BMP6: variants seen among roughly 807,000 people sequenced by gnomAD.
The protein encoded by BMP6 is bone morphogenetic protein 6.
BMP6 carries 17 observed loss-of-function variants against 54.1 expected under a neutral mutation model. That is an observed-to-expected ratio of 0.31 (90% CI 0.22 to 0.47). The LOEUF (loss-of-function observed/expected upper bound fraction) is 0.47. Ranked by LOEUF, BMP6 falls within the 20% of genes least tolerant of loss-of-function variation. The pLI is 1.00. For missense variants in BMP6, 720 were observed against 690.4 expected (o/e 1.04, Z -0.48); for synonymous variants, 328 against 291.2 (o/e 1.13, Z -1.28).
rs555536190 is a variant in BMP6 at position 7,880,274 on chromosome 6, T to G, written c.1473T>G (p.Phe491Leu). The change falls in exon 7 of 7, where the codon TTT (phenylalanine) becomes TTG (leucine). Residue 491 changes from phenylalanine (F) to leucine (L), a missense_variant. By Grantham distance (22) the Phe-to-Leu change is conservative. This residue lies in a region of BMP6 where 43 missense variants were observed against 54.0 expected (regional missense o/e 0.80). Coordinates refer to ENST00000283147, the MANE Select transcript of BMP6 (RefSeq NM_001718.6). ...TAAATGCCATCTCGGTTCTTTACTTTGATGACAACTCCAATGTCATTCTGA... is the reference window on the plus strand; with the variant it reads ...TAAATGCCATCTCGGTTCTTTACTTGGATGACAACTCCAATGTCATTCTGA... The part of the protein sequence containing the change: ...TKLNAISVLY[F>L]DDNSNVILKK... 5 of 1,614,160 alleles carry G rather than the reference T, an allele frequency of 3.1e-6. No individual in the cohort carries two copies. In the South Asian group the frequency reaches 3.3e-5, roughly 11 times the overall value.
At chr6:7,763,747 G>C (rs956428754) in intron 1 of BMP6, among the ~76,000 whole-genome samples, 2 of 152,118 alleles carry the variant, frequency 1.3e-5, no homozygotes, top group African/African-American at 4.8e-5. Flanking sequence ...GTGAATGCAG[G>C]TGCAGTCCTT....
chr6:7,768,081 G>T (rs758538383), intron 1 of BMP6, among the ~76,000 whole-genome samples: 4 of 152,096 alleles, frequency 2.6e-5, no homozygotes, highest in Admixed American at 6.5e-5. Context: ...AGGCAAGAGC[G>T]GGCAGGAAGT....
Position 7,764,907 on chromosome 6 carries a change from C to T in BMP6, c.664+37288C>T, listed in dbSNP as rs1311345108. Among the ~76,000 whole-genome samples, 3 of 152,190 alleles carry T rather than the reference C, an allele frequency of 2.0e-5. No individual in the cohort carries two copies. The South Asian group carries it at 6.2e-4, about 32-fold the overall frequency. ...ACTTTATGCCTGGAGATCTTCTTAG[C>T]TTGGCAGTTGATGGCTTGAGGCTTC... On this transcript the variant is annotated intron_variant, in intron 1 of 6. Coordinates refer to ENST00000283147, the MANE Select transcript of BMP6 (RefSeq NM_001718.6).
intron 4 of BMP6, among the ~76,000 whole-genome samples, chr6:7,875,920 G>A (rs1038063649): frequency 5.9e-5 from 9 of 152,142 alleles, no homozygotes; most frequent in East Asian, 5.8e-4. Context: ...ACTGGCTGCC[G>A]TACTACCCAT....
At chr6:7,863,129 G>A (rs561991114) in intron 4 of BMP6, among the ~76,000 whole-genome samples, 2 of 152,236 alleles carry the variant, frequency 1.3e-5, no homozygotes, top group South Asian at 4.1e-4. Flanking sequence ...CTCCCGAGTA[G>A]CTGGGACTAC....
intron 1 of BMP6, among the ~76,000 whole-genome samples, chr6:7,772,558 A>G (rs577877192): frequency 1.3e-5 from 2 of 152,168 alleles, no homozygotes; most frequent in East Asian, 3.8e-4. Flanking sequence ...ACAACTGCCA[A>G]TGGGACCGAG....
intron 1 of BMP6, among the ~76,000 whole-genome samples, chr6:7,784,995 A>G (rs907893465): frequency 1.3e-5 from 2 of 152,218 alleles, no homozygotes; most frequent in African/African-American, 4.8e-5. Context: ...GGGGTAACCA[A>G]TGCTTGCAAA....
intron 1 of BMP6, among the ~76,000 whole-genome samples, chr6:7,753,861 A>G (rs1757462409): frequency 6.6e-6 from 1 of 152,166 alleles, no homozygotes; most frequent in Non-Finnish European, 1.5e-5. Context: ...CCTGTGGATT[A>G]TTTAGAAGTA....
chr6:7,851,088 C>T (rs1759135251), intron 2 of BMP6, among the ~76,000 whole-genome samples: 1 of 152,132 alleles, frequency 6.6e-6, no homozygotes, highest in Non-Finnish European at 1.5e-5. Context: ...ACTTTCTTGG[C>T]TATTAATGGC....
In BMP6 at chr6:7,727,351, G is replaced by T. The variant is rs755710426; in HGVS notation, c.396G>T (p.Ala132=). The T allele has an allele frequency of 6.2e-7, 1 of 1,609,926 alleles. No homozygotes were observed. The highest frequency in any genetic ancestry group is 2.2e-5 in the East Asian group (1 of 44,744). The change falls in exon 1 of 7, where the codon GCG becomes GCT. Residue 132 remains alanine, a synonymous_variant. Transcript: ENST00000283147. ...CCCCTCCCGGGCGACTGAAGTCCGC[G>T]CCCCTCTTCATGCTGGATCTGTACA... ...GEPPPGRLKS[A]PLFMLDLYNA...
intron 1 of BMP6, among the ~76,000 whole-genome samples, chr6:7,759,064 T>C (rs539004033): frequency 5.3e-5 from 8 of 152,334 alleles, no homozygotes; most frequent in Admixed American, 2.0e-4. Flanking sequence ...CATTGAATTA[T>C]CTCCTGAATG....
chr6:7,779,573 C>G (rs1337119667), intron 1 of BMP6, among the ~76,000 whole-genome samples: 1 of 152,188 alleles, frequency 6.6e-6, no homozygotes, highest in African/African-American at 2.4e-5. Context: ...CTCCTGGCCT[C>G]AAGTGATCTG....
chr6:7,752,873 C>T (rs189123193), intron 1 of BMP6, among the ~76,000 whole-genome samples: 12 of 152,222 alleles, frequency 7.9e-5, no homozygotes, highest in Admixed American at 6.5e-5. Context: ...CTTGGCTCTT[C>T]TGTAGGGCTG....
At chr6:7,866,584 T>G (rs534712485) in intron 4 of BMP6, among the ~76,000 whole-genome samples, 2 of 152,362 alleles carry the variant, frequency 1.3e-5, no homozygotes, top group East Asian at 3.9e-4. Context: ...CAAGACCTCT[T>G]TTGAGAGGGT....
chr6:7,840,072 C>T (rs169123), intron 1 of BMP6, among the ~76,000 whole-genome samples: 60,331 of 152,064 alleles, frequency 0.4, 12,639 homozygotes, highest in East Asian at 0.77. Context: ...ACCTATGATA[C>T]ATGAGCCATT....
intron 1 of BMP6, among the ~76,000 whole-genome samples, chr6:7,813,430 G>A (rs1166992694): frequency 8.3e-6 from 1 of 120,582 alleles, no homozygotes; most frequent in Non-Finnish European, 1.6e-5. Context: ...AGACCAGCCT[G>A]GGCAACATAG....
At chr6:7,802,591 G>C (rs1459359497) in intron 1 of BMP6, among the ~76,000 whole-genome samples, 1 of 152,190 alleles carries the variant, frequency 6.6e-6, no homozygotes, top group Non-Finnish European at 1.5e-5. Context: ...ACTATTTGAT[G>C]GGCTTGCATC....
Position 7,856,595 on chromosome 6 carries a change from A to ATTTTTTTTTTTTTTTTTTTTTTT in BMP6, c.858-4837_858-4836insTTTTTTTTTTTTTTTTTTTTTTT, listed in dbSNP as rs70982115. On this transcript the variant is annotated intron_variant, in intron 2 of 6. Transcript: ENST00000283147. ...ATATAAATGCCAGTTTATCAAGAGC[A>ATTTTTTTTTTTTTTTTTTTTTTT]TTTTTTTTTTTTTTTTTTTGAGACG... is the stretch of plus-strand genomic sequence containing the variant. Among the ~76,000 whole-genome samples, 85 of 83,032 alleles carry ATTTTTTTTTTTTTTTTTTTTTTT rather than the reference A, an allele frequency of 1.0e-3. 18 individuals are homozygous for ATTTTTTTTTTTTTTTTTTTTTTT. The highest frequency in any genetic ancestry group is 3.6e-3 in the East Asian group (5 of 1,380). 54.5% of individuals were successfully genotyped at this position (83,032 alleles called of 152,430 possible).
chr6:7,738,456 G>A (rs966630992), intron 1 of BMP6, among the ~76,000 whole-genome samples: 1 of 152,138 alleles, frequency 6.6e-6, no homozygotes, highest in Non-Finnish European at 1.5e-5. Flanking sequence ...CTTCATAAGA[G>A]GGAACGTGGC....
Sources: allele counts gnomAD v4.1 joint callset (sites outside exome capture counted in the v4.1 genomes callset), GRCh38; gene constraint gnomAD v4.1.1; regional missense constraint gnomAD v4.1.1; transcripts MANE v1.5; gene names NCBI Gene and HGNC (gene_info 2026-07-23, HGNC 2026-07-21).